The following SKAP1 variants were observed in gnomAD, a reference collection of about 807,000 sequenced individuals.
SKAP1 encodes the protein src kinase associated phosphoprotein 1.
Under a neutral mutation model 58.5 loss-of-function variants are expected in SKAP1, and 44 were observed. The ratio of observed to expected loss-of-function variants is 0.75; its 90% CI spans 0.59 to 0.97. The LOEUF (loss-of-function observed/expected upper bound fraction) is 0.97, where lower values mean the gene tolerates loss of function less well. Ranked by LOEUF, SKAP1 falls within the 50% of genes least tolerant of loss-of-function variation. The pLI is 0.00. For missense variants in SKAP1, 390 were observed against 435.2 expected (o/e 0.90, Z 0.92); for synonymous variants, 127 against 149.7 (o/e 0.85, Z 1.11).
chr17:48,316,636 G>A (rs1270289167), intron 4 of SKAP1, among the ~76,000 whole-genome samples: 1 of 152,050 alleles, frequency 6.6e-6, no homozygotes, highest in Non-Finnish European at 1.5e-5. Flanking sequence ...TCGTCTCTGT[G>A]TCCCCAGTAC....
Position 48,184,761 on chromosome 17 carries a change from A to T in SKAP1, c.529T>A (p.Cys177Ser). The T allele has an allele frequency of 6.2e-7, 1 of 1,614,098 alleles. No individual in the cohort carries two copies. The highest frequency in any genetic ancestry group is 8.5e-7 in the Non-Finnish European group (1 of 1,179,984). ...CTATCCTGGGAGGTCAGTTCAAAGCAGGATTCTTTCTTGGAATCTCTTCGC... is the reference window on the plus strand; with the variant it reads ...CTATCCTGGGAGGTCAGTTCAAAGCTGGATTCTTTCTTGGAATCTCTTCGC... ...HLRRDSKKESCFELTSQDRRS... is the reference protein window; with the variant it reads ...HLRRDSKKESSFELTSQDRRS... The change falls in exon 7 of 13, where the codon TGC becomes AGC. Residue 177 changes from cysteine (C) to serine (S), a missense_variant. Cys to Ser is a moderately radical substitution (Grantham distance 112, BLOSUM62 -1). Coordinates refer to ENST00000336915, the MANE Select transcript of SKAP1 (RefSeq NM_003726.4).
At chr17:48,150,895 GA>G (rs990683428) in intron 11 of SKAP1, among the ~76,000 whole-genome samples, 3 of 152,156 alleles carry the variant, frequency 2.0e-5, no homozygotes, top group African/African-American at 7.2e-5. Context: ...TTCTGCCTAA[GA>G]TGTCCCACAC....
upstream of SKAP1, among the ~76,000 whole-genome samples, chr17:48,433,429 G>T (rs755501113): frequency 2.6e-5 from 4 of 152,200 alleles, no homozygotes; most frequent in Admixed American, 6.5e-5. Flanking sequence ...AAAGCAGCCA[G>T]CTGTCTCTGC....
chr17:48,239,954 A>G (rs191147687), intron 4 of SKAP1, among the ~76,000 whole-genome samples: 9 of 152,308 alleles, frequency 5.9e-5, no homozygotes, highest in Non-Finnish European at 8.8e-5. Flanking sequence ...CATCAGTAAC[A>G]TAACTCTATA....
At chr17:48,336,067 T>C (rs1847168574) in intron 4 of SKAP1, among the ~76,000 whole-genome samples, 1 of 152,134 alleles carries the variant, frequency 6.6e-6, no homozygotes, top group Non-Finnish European at 1.5e-5. Context: ...AAGTAGTATT[T>C]CCTTTTACCA....
At chr17:48,308,479 T>C (rs1034778544) in intron 4 of SKAP1, 1 of 152,214 alleles carries the variant, frequency 6.6e-6, no homozygotes, top group Admixed American at 6.5e-5. Flanking sequence ...CATGCCATCA[T>C]TGAAGAACAG....
intron 4 of SKAP1, among the ~76,000 whole-genome samples, chr17:48,190,405 C>A (rs1425961950): frequency 6.6e-6 from 1 of 152,142 alleles, no homozygotes; most frequent in Non-Finnish European, 1.5e-5. Flanking sequence ...AGCCACTGCG[C>A]CCAGCCAAAC....
At chr17:48,285,957 C>G (rs1045455893) in intron 4 of SKAP1, among the ~76,000 whole-genome samples, 1 of 152,144 alleles carries the variant, frequency 6.6e-6, no homozygotes, top group African/African-American at 2.4e-5. Context: ...ATCTACTTTA[C>G]AGAATTACTG....
the SKAP1 span, among the ~76,000 whole-genome samples, chr17:48,439,646 G>T: frequency 1.3e-5 from 2 of 152,162 alleles, no homozygotes; most frequent in Non-Finnish European, 2.9e-5. Flanking sequence ...AATAAGTAGG[G>T]ATCCTTCATA....
chr17:48,380,683 T>C (rs2067203979), intron 2 of SKAP1, among the ~76,000 whole-genome samples: 2 of 152,184 alleles, frequency 1.3e-5, no homozygotes, highest in African/African-American at 4.8e-5. Context: ...TTACCAGTGG[T>C]TGCCCATTAA....
At chr17:48,171,107 T>G (rs1246687588) in intron 9 of SKAP1, among the ~76,000 whole-genome samples, 4 of 146,654 alleles carry the variant, frequency 2.7e-5, no homozygotes, top group Non-Finnish European at 1.5e-5. Context: ...TTTTTTTTTT[T>G]TTTTTTTTTT....
intron 4 of SKAP1, among the ~76,000 whole-genome samples, chr17:48,288,229 C>T (rs185891100): frequency 1.3e-5 from 2 of 152,328 alleles, no homozygotes; most frequent in East Asian, 3.9e-4. Context: ...GTCTGACATA[C>T]AGTGAGTTAT....
chr17:48,425,900 G>C lies in SKAP1; in HGVS notation c.46+4175C>G, dbSNP rs537003418. ...ATCCTAAACAATATATTACCATAAA[G>C]TATGGTAATAGATATTCACTATAAC... On this transcript the variant is annotated intron_variant, in intron 1 of 12. Transcript: ENST00000336915. 3.3e-5 allele frequency among the ~76,000 whole-genome samples: 5 copies of C among 152,326 alleles called. No homozygotes were observed. In the East Asian group the frequency reaches 7.7e-4, roughly 23 times the overall value.
intron 4 of SKAP1, among the ~76,000 whole-genome samples, chr17:48,202,732 C>G (rs934602496): frequency 4.6e-5 from 7 of 152,090 alleles, no homozygotes; most frequent in Non-Finnish European, 4.4e-5. Flanking sequence ...ATCTCAATAT[C>G]TATTTGCACA....
chr17:48,221,606 A>G (rs1209472340), intron 4 of SKAP1, among the ~76,000 whole-genome samples: 1 of 152,222 alleles, frequency 6.6e-6, no homozygotes, highest in African/African-American at 2.4e-5. Context: ...ATTATATCAA[A>G]TGTTTTATAA....
intron 4 of SKAP1, among the ~76,000 whole-genome samples, chr17:48,267,628 C>T (rs2065569991): frequency 6.6e-6 from 1 of 152,068 alleles, no homozygotes; most frequent in Non-Finnish European, 1.5e-5. Flanking sequence ...AACACACTTG[C>T]TTAGTTTAAT....
chr17:48,376,605 C>T (rs61614790), intron 2 of SKAP1, among the ~76,000 whole-genome samples: 6,720 of 152,206 alleles, frequency 0.044, 309 homozygotes, highest in South Asian at 0.25. Flanking sequence ...TTCATCTAGG[C>T]AAGGTGGATA....
rs549980105 is a variant in SKAP1, at chr17:48,159,795, T to G, written c.978+2674A>C. On this transcript the variant is annotated intron_variant, in intron 11 of 12. Transcript: ENST00000336915. ...GGTGGCCTTTTAAGGTTCCCTCCTG[T>G]CCAAGGACTATTATTGAATTAGGTA... 3.3e-5 allele frequency among the ~76,000 whole-genome samples: 5 copies of G among 152,326 alleles called. No homozygotes were observed. The South Asian group carries it at 1.0e-3, about 32-fold the overall frequency.
chr17:48,372,726 G>A (rs763498700), intron 2 of SKAP1, among the ~76,000 whole-genome samples: 6 of 152,074 alleles, frequency 3.9e-5, no homozygotes, highest in Non-Finnish European at 8.8e-5. Context: ...TTGTAAACTT[G>A]AACTCCTGGG....
Sources: gnomAD v4.1 joint callset for allele counts (sites outside exome capture counted in the v4.1 genomes callset) on GRCh38, gnomAD v4.1.1 for gene constraint, MANE v1.5 for transcripts, NCBI Gene and HGNC (gene_info 2026-07-23, HGNC 2026-07-21) for gene names.